Variants in ADAM22 observed in about 807,000 individuals in gnomAD.
ADAM22 encodes the protein disintegrin and metalloproteinase domain-containing protein 22.
In ADAM22, 65 loss-of-function variants were observed where a neutral mutation model predicts 144.6. The observed-to-expected ratio is 0.45, with a 90% confidence interval of 0.37 to 0.55. The LOEUF is 0.55. Ranked by LOEUF, ADAM22 falls within the 20% of genes least tolerant of loss-of-function variation. The probability of loss-of-function intolerance (pLI) is 0.00; values close to 1 mark genes in which losing one functional copy is unlikely to be tolerated. For synonymous variants in ADAM22, 391 were observed against 412.6 expected, an observed-to-expected ratio of 0.95 and a Z score of 0.63; for missense variants, 974 against 1,184.9, an observed-to-expected ratio of 0.82 and a Z score of 2.61.
chr7:87,993,419 T>C (rs1790373532), intron 3 of ADAM22, among the ~76,000 whole-genome samples: 2 of 152,214 alleles, frequency 1.3e-5, no homozygotes, highest in Non-Finnish European at 2.9e-5. Flanking sequence ...TAGTAACTTA[T>C]GCTGTAAATA....
intron 2 of ADAM22, among the ~76,000 whole-genome samples, chr7:87,956,674 C>G (rs1385151917): frequency 6.6e-6 from 1 of 152,208 alleles, no homozygotes; most frequent in Non-Finnish European, 1.5e-5. Context: ...TACTCTTGAG[C>G]TTTCATATAA....
intron 5 of ADAM22, among the ~76,000 whole-genome samples, chr7:88,113,673 T>C (rs946039207): frequency 1.6e-5 from 2 of 123,802 alleles, no homozygotes; most frequent in Non-Finnish European, 3.2e-5. Context: ...TATATATATA[T>C]ATAATATATA....
At chr7:88,148,207 C>T (rs1274771006) in intron 17 of ADAM22, among the ~76,000 whole-genome samples, 1 of 151,830 alleles carries the variant, frequency 6.6e-6, no homozygotes, top group African/African-American at 2.4e-5. Context: ...TGAGCAGACA[C>T]AAAGCATGTA....
intron 5 of ADAM22, among the ~76,000 whole-genome samples, chr7:88,114,311 T>C (rs967603843): frequency 3.9e-5 from 6 of 152,182 alleles, no homozygotes; most frequent in African/African-American, 1.4e-4. Context: ...ATCTTGGAAT[T>C]CTATGTTAGA....
intron 4 of ADAM22, among the ~76,000 whole-genome samples, chr7:88,078,327 C>G (rs1303458463): frequency 2.0e-5 from 3 of 152,152 alleles, no homozygotes; most frequent in Non-Finnish European, 4.4e-5. Context: ...AAAGGACACC[C>G]ACACCAAAAA....
intron 22 of ADAM22, among the ~76,000 whole-genome samples, chr7:88,162,146 T>C (rs564565979): frequency 8.3e-6 from 1 of 120,848 alleles, no homozygotes; most frequent in South Asian, 3.2e-4. Context: ...TGGAATACTA[T>C]GCAGCCATAA....
rs199855967 is a variant in ADAM22 at position 88,135,934 on chromosome 7, A to G, written c.1169-46A>G. 243 of 1,537,420 alleles carry G rather than the reference A, an allele frequency of 1.6e-4. No homozygotes were observed. In the African/African-American group the frequency reaches 2.6e-3, roughly 16 times the overall value. On this transcript the variant is annotated intron_variant, in intron 13 of 31. Transcript: ENST00000413139. The stretch of plus-strand genomic sequence containing the variant: ...TTAAAACAGAAACTACTTTAATGCA[A>G]CTGTGTTCACTTTATAACAAGGCAT...
chr7:88,081,943 C>A (rs1451101674), intron 4 of ADAM22, among the ~76,000 whole-genome samples: 7 of 151,824 alleles, frequency 4.6e-5, no homozygotes. Flanking sequence ...ATGCCATCCC[C>A]ATCAAGCTAC....
chr7:87,990,577 C>T (rs1018421903), intron 3 of ADAM22, among the ~76,000 whole-genome samples: 1 of 152,164 alleles, frequency 6.6e-6, no homozygotes. Context: ...ACCCTGACTT[C>T]TGTGATAATC....
At chr7:88,060,628 TG>T (rs1238449588) in intron 3 of ADAM22, among the ~76,000 whole-genome samples, 1 of 151,530 alleles carries the variant, frequency 6.6e-6, no homozygotes, top group Non-Finnish European at 1.5e-5. Flanking sequence ...TAGCCGGGCA[TG>T]GTGGCGGGTG....
At position 88,182,839 on chromosome 7, in the gene ADAM22, A is replaced by T. The variant is rs533755692; in HGVS notation, c.2663+815A>T. Among the ~76,000 whole-genome samples the T allele has an allele frequency of 9.2e-5, 14 of 152,162 alleles. No homozygotes were observed. In the East Asian group the frequency reaches 2.5e-3, roughly 27 times the overall value. On this transcript the variant is annotated intron_variant, in intron 29 of 31. Transcript: ENST00000413139. ...ACTTGCCACCTGACTTTTTTTACCCATTCTATTTTATCCTTCCTAAAATTT... is the reference window on the plus strand; with the variant it reads ...ACTTGCCACCTGACTTTTTTTACCCTTTCTATTTTATCCTTCCTAAAATTT...
At chr7:88,166,989 G>A (rs1409331250) in intron 24 of ADAM22, among the ~76,000 whole-genome samples, 1 of 152,132 alleles carries the variant, frequency 6.6e-6, no homozygotes, top group Non-Finnish European at 1.5e-5. Context: ...TTGCATCTGT[G>A]CATCCCACAG....
intron 14 of ADAM22, among the ~76,000 whole-genome samples, 189 bp from the exon 15 acceptor site, chr7:88,142,837 C>CAA (rs35939860): frequency 2.6e-5 from 3 of 117,382 alleles, no homozygotes; most frequent in African/African-American, 5.6e-5. Context: ...GACTCCGTCT[C>CAA]AAAAAAAAAA....
intron 3 of ADAM22, among the ~76,000 whole-genome samples, chr7:88,053,634 A>G (rs201243432): frequency 2.1e-5 from 2 of 96,582 alleles, no homozygotes; most frequent in South Asian, 4.0e-4. Context: ...GAAAGAAAGA[A>G]AGAAAGAAAG....
At chr7:88,011,179 G>C (rs761387759) in intron 3 of ADAM22, among the ~76,000 whole-genome samples, 13 of 152,152 alleles carry the variant, frequency 8.5e-5, no homozygotes, top group Non-Finnish European at 1.6e-4. Context: ...CACTGTTAAT[G>C]TTTACACTAA....
intron 3 of ADAM22, among the ~76,000 whole-genome samples, chr7:88,066,085 A>G (rs1412675053): frequency 1.3e-5 from 2 of 152,162 alleles, no homozygotes; most frequent in African/African-American, 4.8e-5. Context: ...TTTGACTGTC[A>G]TTAACAGTGG....
At chr7:88,142,558 G>T (rs1042932445) in intron 14 of ADAM22, among the ~76,000 whole-genome samples, 1 of 152,154 alleles carries the variant, frequency 6.6e-6, no homozygotes, top group African/African-American at 2.4e-5. Flanking sequence ...ATATTGATTG[G>T]CCGGGCGTGG....
intron 26 of ADAM22, among the ~76,000 whole-genome samples, chr7:88,172,559 A>C (rs552986335): frequency 6.6e-6 from 1 of 151,942 alleles, no homozygotes; most frequent in Non-Finnish European, 1.5e-5. Context: ...CATTTTTTTC[A>C]CAAATCAAAA....
chr7:88,003,630 T>C (rs542127063), intron 3 of ADAM22, among the ~76,000 whole-genome samples: 10 of 152,316 alleles, frequency 6.6e-5, no homozygotes, highest in African/African-American at 2.4e-4. Context: ...AGAAGACAGA[T>C]TTCAATCTCC....
Sources: allele counts gnomAD v4.1 joint callset (sites outside exome capture counted in the v4.1 genomes callset), GRCh38; gene constraint gnomAD v4.1.1; transcripts MANE v1.5; gene names NCBI Gene and HGNC (gene_info 2026-07-23, HGNC 2026-07-21).